The following LDLRAD3 variants were observed in gnomAD, a reference collection of about 807,000 sequenced individuals.
LDLRAD3 encodes the protein low density lipoprotein receptor class A domain containing 3.
In LDLRAD3, 20 loss-of-function variants were observed where a neutral mutation model predicts 29.4. That is an observed-to-expected ratio of 0.68 (90% CI 0.48 to 0.99). LDLRAD3 has a LOEUF of 0.99. Among genes scored for constraint, LDLRAD3 ranks in the 50% least tolerant of loss-of-function variants. LDLRAD3 has a pLI of 0.00. For synonymous variants in LDLRAD3, 157 were observed against 192.7 expected (o/e 0.81, Z 1.53); for missense variants, 420 against 454.3 (o/e 0.92, Z 0.69).
intron 4 of LDLRAD3, among the ~76,000 whole-genome samples, chr11:36,147,098 CTTTTTTTTTTTTTTTTTTT>C (rs55747441): frequency 3.9e-4 from 19 of 48,214 alleles, no homozygotes; most frequent in East Asian, 8.6e-4. Context: ...CCCATATTTA[CTTTTTTTTTTTTTTTTTTT>C]TTTTTTTTTT....
rs1455663745 is a variant in LDLRAD3, at chr11:36,213,061, C to A, written c.455-14024C>A. 6.9e-6 allele frequency among the ~76,000 whole-genome samples: 1 copy of A among 143,946 alleles called. No individual in the cohort carries two copies. Among genetic ancestry groups the A allele is most frequent in the Non-Finnish European group, 1.5e-5 (1 of 66,160 alleles). The allele number at this position is 143,946 out of a possible 152,430, so 94.4% of individuals were successfully genotyped here. Reference sequence around the variant, plus strand: ...CTCTCTCTCCCCCACCCCTCTCTTTCTCTCCCCCTCGCTCCCTCCCTCTCT... The same window carrying A: ...CTCTCTCTCCCCCACCCCTCTCTTTATCTCCCCCTCGCTCCCTCCCTCTCT... On this transcript the variant is annotated intron_variant, in intron 4 of 5. Transcript: ENST00000315571. The surrounding 1 kb of genome is among the most constrained non-coding windows in gnomAD (Gnocchi z 4.1).
intron 2 of LDLRAD3, among the ~76,000 whole-genome samples, chr11:36,063,949 G>T (rs1852747641): frequency 6.6e-6 from 1 of 152,172 alleles, no homozygotes; most frequent in Admixed American, 6.5e-5. Context: ...CTGCCAAGAA[G>T]CTAGCTGAGA....
rs192988514 is a variant in LDLRAD3 at position 36,047,217 on chromosome 11, G to T, written c.193+10968G>T. 3.3e-5 allele frequency among the ~76,000 whole-genome samples: 5 copies of T among 152,282 alleles called. 1 individual carries two copies. The highest frequency in any genetic ancestry group is 1.2e-4 in the African/African-American group (5 of 41,548). On this transcript the variant is annotated intron_variant, in intron 2 of 5. Coordinates refer to ENST00000315571, the MANE Select transcript of LDLRAD3 (RefSeq NM_174902.4). ...CACTAAAAACAATAATTAGTTGTCG[G>T]TGTTTATAAAGCAAGAGCTTGCACA...
At chr11:36,083,549 T>C (rs955912042) in intron 3 of LDLRAD3, among the ~76,000 whole-genome samples, 110 of 152,238 alleles carry the variant, frequency 7.2e-4, no homozygotes, top group African/African-American at 2.4e-3. Context: ...CACAGAGTAA[T>C]TGATTTTTTA....
chr11:35,958,565 CTCCTTTTCCTG>C (rs1321321001), intron 1 of LDLRAD3, among the ~76,000 whole-genome samples: 2 of 152,096 alleles, frequency 1.3e-5, no homozygotes, highest in African/African-American at 2.4e-5. Context: ...CTTGAGGGCC[CTCCTTTTCCTG>C]TAGGCTCTCT....
intron 1 of LDLRAD3, among the ~76,000 whole-genome samples, chr11:35,947,324 C>T (rs7926562): frequency 0.24 from 36,670 of 151,826 alleles, 4,527 homozygotes; most frequent in East Asian, 0.38. Context: ...GCCTGGCCAA[C>T]ATGGTGAAAC....
At chr11:36,099,322 C>T (rs748382682) in intron 4 of LDLRAD3, among the ~76,000 whole-genome samples, 4 of 145,636 alleles carry the variant, frequency 2.7e-5, no homozygotes, top group African/African-American at 5.0e-5. Context: ...TTTAGCATTT[C>T]TTCAGTGATT....
chr11:36,205,194 T>C (rs1855188723), intron 4 of LDLRAD3, among the ~76,000 whole-genome samples: 1 of 152,214 alleles, frequency 6.6e-6, no homozygotes, highest in Non-Finnish European at 1.5e-5. Context: ...ACAAAGCCAT[T>C]CTGTGTTCTC....
At chr11:36,031,808 G>A (rs1441590852) in intron 1 of LDLRAD3, among the ~76,000 whole-genome samples, 2 of 152,312 alleles carry the variant, frequency 1.3e-5, no homozygotes, top group Middle Eastern at 3.4e-3. Flanking sequence ...TAGTTTGCTC[G>A]GGCTGCTGTG....
At chr11:36,066,347 A>G (rs933806630) in intron 2 of LDLRAD3, among the ~76,000 whole-genome samples, 3 of 152,098 alleles carry the variant, frequency 2.0e-5, no homozygotes, top group African/African-American at 4.8e-5. Flanking sequence ...ACTGTCAGGA[A>G]GTTTTTCCAC....
intron 4 of LDLRAD3, among the ~76,000 whole-genome samples, chr11:36,135,884 C>G (rs1853997385): frequency 1.3e-5 from 2 of 152,000 alleles, no homozygotes; most frequent in South Asian, 4.2e-4. Flanking sequence ...CACTCCAGCC[C>G]AGGCAACAGA....
Position 36,010,835 on chromosome 11 carries a change from C to T in LDLRAD3, c.47-25268C>T, listed in dbSNP as rs575099741. ...TTCTTTTTTTTTTGAAATGGAGTTT[C>T]GCTCTTGTTGCCTAGGCTGGAGTGT... is the stretch of plus-strand genomic sequence containing the variant. On this transcript the variant is annotated intron_variant, in intron 1 of 5. Transcript: ENST00000315571. 2.3e-3 allele frequency among the ~76,000 whole-genome samples: 349 copies of T among 151,890 alleles called. 6 individuals carry two copies. Among genetic ancestry groups the T allele is most frequent in the Non-Finnish European group, 1.4e-3 (96 of 67,968 alleles).
At chr11:36,085,675 G>A (rs751680725) in intron 3 of LDLRAD3, among the ~76,000 whole-genome samples, 16 of 152,064 alleles carry the variant, frequency 1.1e-4, no homozygotes, top group Non-Finnish European at 2.1e-4. Context: ...GCAGTGGTGC[G>A]ATCATGGCTC....
intron 4 of LDLRAD3, among the ~76,000 whole-genome samples, chr11:36,145,070 C>T (rs1468194994): frequency 2.0e-5 from 2 of 98,074 alleles, no homozygotes; most frequent in Non-Finnish European, 2.1e-5. Flanking sequence ...GAGAGGAGCC[C>T]CTCTGCCCGG....
At chr11:35,974,962 G>A (rs973863071) in intron 1 of LDLRAD3, among the ~76,000 whole-genome samples, 79 of 152,286 alleles carry the variant, frequency 5.2e-4, no homozygotes, top group African/African-American at 1.7e-3. Context: ...AACTTTTAAG[G>A]AGTGAAGCCA....
At chr11:36,131,315 C>T (rs540667391) in intron 4 of LDLRAD3, among the ~76,000 whole-genome samples, 1 of 152,308 alleles carries the variant, frequency 6.6e-6, no homozygotes, top group African/African-American at 2.4e-5. Context: ...GGCATAAGAG[C>T]TTTCTCTCTA....
intron 2 of LDLRAD3, among the ~76,000 whole-genome samples, chr11:36,039,849 A>G (rs1394922593): frequency 1.3e-5 from 2 of 152,220 alleles, no homozygotes; most frequent in Non-Finnish European, 2.9e-5. Context: ...CATTTAAAGA[A>G]CTTATGCATA....
rs572550421 is a variant in LDLRAD3, at chr11:36,005,074, T to C, written c.47-31029T>C. ...GAGACATTTCTCCTGTTGTCTTGGC[T>C]ATTGACATTCAGCTCCATTTTACTT... On this transcript the variant is annotated intron_variant, in intron 1 of 5. Transcript: ENST00000315571. Among the ~76,000 whole-genome samples the C allele has an allele frequency of 4.6e-5, 7 of 152,354 alleles. No individual in the cohort carries two copies. The South Asian group carries it at 1.0e-3, about 23-fold the overall frequency.
chr11:36,045,842 A>C (rs975575333), intron 2 of LDLRAD3, among the ~76,000 whole-genome samples: 1 of 152,014 alleles, frequency 6.6e-6, no homozygotes, highest in Admixed American at 6.6e-5. Flanking sequence ...ACATGTGCAG[A>C]AAGTGCAGGT....
Sources: gnomAD v4.1 joint callset for allele counts (sites outside exome capture counted in the v4.1 genomes callset) on GRCh38, gnomAD v4.1.1 for gene constraint, Gnocchi (gnomAD v3.1) non-coding constraint, MANE v1.5 for transcripts, NCBI Gene and HGNC (gene_info 2026-07-23, HGNC 2026-07-21) for gene names.